LRRC7: variants seen among roughly 807,000 people sequenced by gnomAD.
LRRC7 encodes leucine-rich repeat-containing protein 7.
Under a neutral mutation model 175.7 loss-of-function variants are expected in LRRC7, and 23 were observed. That is an observed-to-expected ratio of 0.13 (90% CI 0.09 to 0.19). The LOEUF is 0.19. Among genes scored for constraint, LRRC7 ranks in the 10% least tolerant of loss-of-function variants. The pLI is 1.00. For missense variants in LRRC7, 1,354 were observed against 1,904.7 expected (o/e 0.71, Z 5.38); for synonymous variants, 685 against 680.9 (o/e 1.01, Z -0.09).
At chr1:69,647,656 GAAA>G (rs1472872320) in intron 1 of LRRC7, among the ~76,000 whole-genome samples, 2 of 151,654 alleles carry the variant, frequency 1.3e-5, no homozygotes, top group East Asian at 3.9e-4. Context: ...TTTACTTCTG[GAAA>G]AATATCTTTC....
chr1:69,578,071 C>A (rs925983771), intron 1 of LRRC7, among the ~76,000 whole-genome samples: 30 of 152,162 alleles, frequency 2.0e-4, no homozygotes, highest in Non-Finnish European at 3.1e-4. Context: ...CCAGAATCTA[C>A]AATGAACTCA....
intron 2 of LRRC7, among the ~76,000 whole-genome samples, chr1:69,711,565 A>C (rs1400203453): frequency 6.6e-6 from 1 of 152,212 alleles, no homozygotes; most frequent in Non-Finnish European, 1.5e-5. Context: ...TGGATTCAAA[A>C]GGTTAATTTT....
rs1660871837 is a variant in LRRC7, at chr1:70,053,124, T to C, written c.4209T>C (p.Pro1403=). The change falls in exon 23 of 27, where the codon CCT becomes CCC. Residue 1403 remains proline (P), a synonymous_variant. Transcript: ENST00000651989. The part of the protein sequence containing the change: ...NPYPLGRRDV[P]PDTITKKAGS... The stretch of plus-strand genomic sequence containing the variant: ...ATCCACTTGGGAGGCGGGATGTACC[T>C]CCGGACACCATTACTAAGAAGGTAA... 1 of 1,609,098 alleles carries C rather than the reference T, an allele frequency of 6.2e-7. No homozygotes were observed. The highest frequency in any genetic ancestry group is 1.3e-5 in the African/African-American group (1 of 74,840).
intron 7 of LRRC7, among the ~76,000 whole-genome samples, chr1:69,852,201 G>C (rs1184471741): frequency 6.6e-6 from 1 of 151,802 alleles, no homozygotes; most frequent in Admixed American, 6.6e-5. Context: ...TGTTGTCTAC[G>C]TGTATATCCC....
intron 7 of LRRC7, among the ~76,000 whole-genome samples, chr1:69,845,605 T>C (rs1682270163): frequency 6.6e-6 from 1 of 152,094 alleles, no homozygotes; most frequent in Non-Finnish European, 1.5e-5. Flanking sequence ...GATTAATATG[T>C]ATTCTTAACT....
At chr1:69,730,899 G>A (rs1163466047) in intron 2 of LRRC7, among the ~76,000 whole-genome samples, 2 of 152,124 alleles carry the variant, frequency 1.3e-5, no homozygotes, top group Non-Finnish European at 2.9e-5. Context: ...CAGGGCTCAG[G>A]AGGCCTCAGA....
intron 8 of LRRC7, among the ~76,000 whole-genome samples, chr1:69,979,644 G>C (rs1240491017): frequency 6.6e-6 from 1 of 152,004 alleles, no homozygotes; most frequent in Admixed American, 6.6e-5. Context: ...TACATACAAG[G>C]CATGTACCGC....
At chr1:69,592,871 T>G (rs1646694031) in intron 1 of LRRC7, among the ~76,000 whole-genome samples, 1 of 152,068 alleles carries the variant, frequency 6.6e-6, no homozygotes, top group Non-Finnish European at 1.5e-5. Context: ...CCCCAGGTCT[T>G]AAAAAGCAAA....
chr1:69,689,225 C>G (rs1303119721), intron 2 of LRRC7, among the ~76,000 whole-genome samples: 1 of 152,118 alleles, frequency 6.6e-6, no homozygotes, highest in Non-Finnish European at 1.5e-5. Context: ...TCCTTTCAAC[C>G]TTAAACGACT....
At chr1:69,901,722 T>TA (rs908852078) in intron 7 of LRRC7, among the ~76,000 whole-genome samples, 15 of 152,028 alleles carry the variant, frequency 9.9e-5, no homozygotes, top group Non-Finnish European at 8.8e-5. Context: ...AGAACTTTAT[T>TA]AAAAAAAACT....
At chr1:69,860,163 C>A (rs2101528400) in intron 7 of LRRC7, among the ~76,000 whole-genome samples, 1 of 151,650 alleles carries the variant, frequency 6.6e-6, no homozygotes, top group South Asian at 2.1e-4. Flanking sequence ...GAAATATATT[C>A]TTTGTTGAAT....
Position 69,717,848 on chromosome 1 carries a change from A to AG in LRRC7, c.100+39371dup, listed in dbSNP as rs1356831596. On this transcript the variant is annotated intron_variant, in intron 2 of 26. Coordinates refer to ENST00000651989, the MANE Select transcript of LRRC7 (RefSeq NM_001370785.2). Reference sequence around the variant, plus strand: ...AAAGAAAGAAAGAAAGAAAAAAGAAAGAAAGGAAAGAAAGAAAGAAAGAAA... The same window carrying AG: ...AAAGAAAGAAAGAAAGAAAAAAGAAAGGAAAGGAAAGAAAGAAAGAAAGAAA... Among the ~76,000 whole-genome samples, 89 of 44,986 alleles carry AG rather than the reference A, an allele frequency of 2.0e-3. 2 individuals are homozygous for AG. The East Asian group carries it at 0.024, about 12-fold the overall frequency. The allele number at this position is 44,986 out of a possible 152,430, so 29.5% of individuals were successfully genotyped here. A position where few individuals can be genotyped will look rare whatever the true frequency, so the allele number is the denominator to read the frequency against.
intron 24 of LRRC7, 82 bp downstream of exon 24, chr1:70,076,380 G>A: frequency 1.6e-6 from 2 of 1,244,926 alleles, no homozygotes; most frequent in Non-Finnish European, 2.3e-6. Context: ...CCTCATTAAT[G>A]TGGTCCAGGA....
chr1:69,820,150 G>T (rs1679107588), intron 4 of LRRC7, among the ~76,000 whole-genome samples: 1 of 151,232 alleles, frequency 6.6e-6, no homozygotes, highest in Non-Finnish European at 1.5e-5. Context: ...TTTATATGGT[G>T]GTATGTTTTA....
At chr1:69,716,189 G>A (rs759761514) in intron 2 of LRRC7, 6 of 477,148 alleles carry the variant, frequency 1.3e-5, no homozygotes, top group African/African-American at 1.0e-4. Flanking sequence ...TCACAACCTA[G>A]AAGTCTGCAG....
intron 3 of LRRC7, among the ~76,000 whole-genome samples, chr1:69,782,395 A>G (rs1447882051): frequency 6.6e-6 from 1 of 152,254 alleles, no homozygotes; most frequent in Non-Finnish European, 1.5e-5. Flanking sequence ...CTACAAAAGT[A>G]TGCAGGTGGA....
At chr1:69,998,105 C>T (rs947180018) in intron 11 of LRRC7, among the ~76,000 whole-genome samples, 6 of 152,064 alleles carry the variant, frequency 3.9e-5, no homozygotes, top group Non-Finnish European at 2.9e-5. Flanking sequence ...TTGGTATTCT[C>T]AAGAGGGGAA....
intron 7 of LRRC7, among the ~76,000 whole-genome samples, chr1:69,890,407 AG>A (rs1454721082): frequency 1.5e-4 from 23 of 152,366 alleles, no homozygotes; most frequent in African/African-American, 5.3e-4. Flanking sequence ...TCTCAACAGT[AG>A]TCTTAAAATA....
chr1:70,095,217 T>C (rs1558063875), intron 25 of LRRC7, among the ~76,000 whole-genome samples: 3 of 152,300 alleles, frequency 2.0e-5, no homozygotes, highest in Admixed American at 6.5e-5. Flanking sequence ...TCAAATTGTT[T>C]TTGTACTTCA....
Sources: gnomAD v4.1 joint callset for allele counts (sites outside exome capture counted in the v4.1 genomes callset) on GRCh38, gnomAD v4.1.1 for gene constraint, MANE v1.5 for transcripts, NCBI Gene and HGNC (gene_info 2026-07-23, HGNC 2026-07-21) for gene names.